Variants in AKAP8L observed in about 807,000 individuals in gnomAD.
AKAP8L encodes A-kinase anchor protein 8-like.
A neutral mutation model predicts 77.5 loss-of-function variants in AKAP8L; 34 were observed. That is an observed-to-expected ratio of 0.44 (90% CI 0.33 to 0.58). The LOEUF is 0.58. AKAP8L is among the 20% of genes least tolerant of loss of function. The pLI, the probability that AKAP8L is intolerant of heterozygous loss-of-function variation, is 0.02. For missense variants in AKAP8L, 806 were observed against 887.6 expected, an observed-to-expected ratio of 0.91 and a Z score of 1.17; for synonymous variants, 342 against 340.7, an observed-to-expected ratio of 1.00 and a Z score of -0.04.
chr19:15,380,316 C>T lies in AKAP8L; in HGVS notation c.1747G>A (p.Glu583Lys). The stretch of plus-strand genomic sequence containing the variant: ...ACGGGAGGCTGCGCCGGCACGCCCT[C>T]TGCGCCCTCCGAGATCCCTGCCGCT... ...GEAAGISEGA[E>K]GVPAQPPVPP... Residue 583 changes from glutamate (E) to lysine (K), a missense_variant, in exon 14 of 14, where the codon GAG (glutamate) becomes AAG (lysine). Physicochemically the swap from Glu to Lys is moderately conservative, Grantham distance 56. Coordinates refer to ENST00000397410, the MANE Select transcript of AKAP8L (RefSeq NM_014371.4). 6.5e-7 allele frequency: 1 copy of T among 1,536,562 alleles called. No individual in the cohort carries two copies. The highest frequency in any genetic ancestry group is 8.7e-7 in the Non-Finnish European group (1 of 1,146,786).
chr19:15,397,670 G>A lies in AKAP8L; in HGVS notation c.1299+44C>T. The A allele has an allele frequency of 1.9e-6, 3 of 1,613,986 alleles. No individual in the cohort carries two copies. The highest frequency in any genetic ancestry group is 2.5e-6 in the Non-Finnish European group (3 of 1,179,870). On this transcript the variant is annotated intron_variant, in intron 10 of 13. Coordinates refer to ENST00000397410, the MANE Select transcript of AKAP8L (RefSeq NM_014371.4). This position sits in a 1 kb window ranked among gnomAD's most constrained non-coding sequence, Gnocchi z 4.7. ...TCATGTGGGCCGCCTTATGTTCTCA[G>A]GGGTCCAAGAAACTAAGAGCGGCTG...
In AKAP8L at chr19:15,403,785, C is replaced by A. The variant is rs780768124; in HGVS notation, c.122-70G>T. On this transcript the variant is annotated intron_variant, in intron 3 of 13. Transcript: ENST00000397410. This position sits in a 1 kb window ranked among gnomAD's most constrained non-coding sequence, Gnocchi z 4.3. Reference sequence around the variant, plus strand: ...GAGGGGAGGCAGACAGAGACAGAGACAAACACAGATACAAGGGTATCTTCT... The same window carrying A: ...GAGGGGAGGCAGACAGAGACAGAGAAAAACACAGATACAAGGGTATCTTCT... The A allele has an allele frequency of 7.8e-7, 1 of 1,278,674 alleles. No homozygotes were observed. 79.2% of individuals were successfully genotyped at this position (1,278,674 alleles called of 1,614,324 possible). A position where few individuals can be genotyped will look rare whatever the true frequency, so the allele number is the denominator to read the frequency against.
rs771646832 is a variant in AKAP8L at position 15,380,279 on chromosome 19, G to A, written c.1784C>T (p.Pro595Leu). The change falls in exon 14 of 14, where the codon CCA (proline) becomes CTA (leucine). Residue 595 changes from proline to leucine, a missense_variant. Physicochemically the swap from Pro to Leu is moderately conservative, Grantham distance 98 (BLOSUM62 -3). Coordinates refer to ENST00000397410, the MANE Select transcript of AKAP8L (RefSeq NM_014371.4). ...VPAQPPVPPE[P>L]APGAVSPPPP... ...TGGCGGCGACACGGCCCCGGGGGCT[G>A]GCTCTGGGGGCACGGGAGGCTGCGC... is the stretch of plus-strand genomic sequence containing the variant. The A allele has an allele frequency of 1.3e-6, 2 of 1,519,516 alleles. No homozygotes were observed. Among genetic ancestry groups the A allele is most frequent in the South Asian group, 2.4e-5 (2 of 82,502 alleles). The allele number at this position is 1,519,516 out of a possible 1,614,324, so 94.1% of individuals were successfully genotyped here.
At position 15,401,746 on chromosome 19, in the gene AKAP8L, A is replaced by G. The variant is rs1967906043; in HGVS notation, c.363-143T>C. The G allele has an allele frequency of 1.5e-6, 1 of 683,774 alleles. No homozygotes were observed. The highest frequency in any genetic ancestry group is 1.8e-5 in the African/African-American group (1 of 55,440). The allele number at this position is 683,774 out of a possible 1,614,324, so 42.4% of individuals were successfully genotyped here. A position where few individuals can be genotyped will look rare whatever the true frequency, so the allele number is the denominator to read the frequency against. On this transcript the variant is annotated intron_variant, in intron 4 of 13. Transcript: ENST00000397410. The surrounding 1 kb of genome is among the most constrained non-coding windows in gnomAD (Gnocchi z 6.2). ...CTCAATGTTCAGAAATGCCGATTAAAGAGTTCCAGCCTCTCAGCTGATATA... is the reference window on the plus strand; with the variant it reads ...CTCAATGTTCAGAAATGCCGATTAAGGAGTTCCAGCCTCTCAGCTGATATA...
intron 12 of AKAP8L, chr19:15,380,846 ATC>A (rs1256678062): frequency 2.5e-5 from 14 of 556,922 alleles, no homozygotes; most frequent in Non-Finnish European, 4.2e-5. Flanking sequence ...AGATCTATAT[ATC>A]TCTAACTTTA....
At chr19:15,384,723 C>T (rs1263202366) in intron 12 of AKAP8L, among the ~76,000 whole-genome samples, 1 of 152,208 alleles carries the variant, frequency 6.6e-6, no homozygotes, top group Non-Finnish European at 1.5e-5. Context: ...AACACTACGA[C>T]TTTTTGTACG....
At position 15,403,304 on chromosome 19, in the gene AKAP8L, G is replaced by T; in HGVS notation, c.362+171C>A. ...CGGCAGGGGTTGAGGGTGGGTGAGAGGAGACACAAGTCAGAGACGGGAAGT... is the reference window on the plus strand; with the variant it reads ...CGGCAGGGGTTGAGGGTGGGTGAGATGAGACACAAGTCAGAGACGGGAAGT... On this transcript the variant is annotated intron_variant, in intron 4 of 13. Coordinates refer to ENST00000397410, the MANE Select transcript of AKAP8L (RefSeq NM_014371.4). The surrounding 1 kb of genome is among the most constrained non-coding windows in gnomAD (Gnocchi z 4.3). 1.6e-6 allele frequency: 1 copy of T among 641,004 alleles called. No individual in the cohort carries two copies. The highest frequency in any genetic ancestry group is 1.8e-5 in the South Asian group (1 of 54,242). The allele number at this position is 641,004 out of a possible 1,614,324, so 39.7% of individuals were successfully genotyped here.
chr19:15,398,043 T>G lies in AKAP8L; in HGVS notation c.1158-188A>C, dbSNP rs1307547611. The stretch of plus-strand genomic sequence containing the variant: ...AGAAAGGGCCAGAAAGTCTGCAGGC[T>G]GCAGTTACTGCAACGTAGGGGACAG... On this transcript the variant is annotated intron_variant, in intron 9 of 13. Transcript: ENST00000397410. The surrounding 1 kb of genome is among the most constrained non-coding windows in gnomAD (Gnocchi z 9.2). 1.6e-6 allele frequency: 1 copy of G among 643,352 alleles called. No individual in the cohort carries two copies. Among genetic ancestry groups the G allele is most frequent in the African/African-American group, 1.8e-5 (1 of 54,606 alleles). The allele number at this position is 643,352 out of a possible 1,614,324, so 39.9% of individuals were successfully genotyped here.
intron 1 of AKAP8L, 74 bp downstream of exon 1, chr19:15,418,837 C>A: frequency 6.7e-7 from 1 of 1,492,874 alleles, no homozygotes; most frequent in South Asian, 1.2e-5. Flanking sequence ...GAGGTGCGGG[C>A]AAGCCTGGTG....
At chr19:15,412,702 C>T (rs867154080) in intron 1 of AKAP8L, among the ~76,000 whole-genome samples, 1 of 152,108 alleles carries the variant, frequency 6.6e-6, no homozygotes, top group Admixed American at 6.6e-5. Flanking sequence ...CCACCATGTC[C>T]GGCTGATTTT....
intron 12 of AKAP8L, among the ~76,000 whole-genome samples, chr19:15,388,058 T>C (rs994606284): frequency 5.3e-5 from 8 of 151,942 alleles, no homozygotes; most frequent in Non-Finnish European, 8.8e-5. Context: ...AAAACATTGT[T>C]GAAAACAATA....
chr19:15,408,763 TC>T (rs1391731465), intron 2 of AKAP8L, among the ~76,000 whole-genome samples: 1 of 150,072 alleles, frequency 6.7e-6, no homozygotes, highest in Non-Finnish European at 1.5e-5. Flanking sequence ...GGGCAACTGC[TC>T]GGGAGGCTGA....
chr19:15,392,523 TAC>T (rs1285694077), intron 12 of AKAP8L, among the ~76,000 whole-genome samples: 1 of 151,612 alleles, frequency 6.6e-6, no homozygotes, highest in African/African-American at 2.4e-5. Context: ...AGTATTTTTA[TAC>T]ACATGCAAAA....
At position 15,400,780 on chromosome 19, in the gene AKAP8L, C is replaced by T; in HGVS notation, c.984+14G>A. The stretch of plus-strand genomic sequence containing the variant: ...CTGCCTGCAGACAGAAAATGCCCAG[C>T]CAGAGCCACTTACCACTCTGGAGCC... On this transcript the variant is annotated intron_variant, in intron 7 of 13. Transcript: ENST00000397410. The T allele has an allele frequency of 6.2e-7, 1 of 1,613,892 alleles. No homozygotes were observed. Among genetic ancestry groups the T allele is most frequent in the South Asian group, 1.1e-5 (1 of 91,082 alleles).
At position 15,413,912 on chromosome 19, in the gene AKAP8L, G is replaced by A. The variant is rs200979494; in HGVS notation, c.14-3318C>T. Among the ~76,000 whole-genome samples the A allele has an allele frequency of 9.2e-5, 14 of 152,262 alleles. No individual in the cohort carries two copies. In the East Asian group the frequency reaches 9.6e-4, roughly 10 times the overall value. The stretch of plus-strand genomic sequence containing the variant: ...TGGTGCTTCCCTAGGAAGGAAAGAC[G>A]ATCCATCAAACCCTCCAAGATCAAT... On this transcript the variant is annotated intron_variant, in intron 1 of 13. Transcript: ENST00000397410.
rs1261599485 is a variant in AKAP8L, at chr19:15,403,820, AGAGAAGACCCTAGCCACT to A, written c.122-123_122-106del. The A allele has an allele frequency of 8.8e-7, 1 of 1,133,884 alleles. No individual in the cohort carries two copies. Among genetic ancestry groups the A allele is most frequent in the Admixed American group, 2.1e-5 (1 of 48,252 alleles). The allele number at this position is 1,133,884 out of a possible 1,614,324, so 70.2% of individuals were successfully genotyped here. ...TACAAGGGTATCTTCTGTCACAGAG[AGAGAAGACCCTAGCCACT>A]GAAGCTAGATGGGCCCTGGTCATTC... On this transcript the variant is annotated intron_variant, in intron 3 of 13. Coordinates refer to ENST00000397410, the MANE Select transcript of AKAP8L (RefSeq NM_014371.4). The surrounding 1 kb of genome is among the most constrained non-coding windows in gnomAD (Gnocchi z 4.3).
At chr19:15,391,784 G>A (rs975799890) in intron 12 of AKAP8L, among the ~76,000 whole-genome samples, 7 of 151,864 alleles carry the variant, frequency 4.6e-5, no homozygotes, top group South Asian at 2.1e-4. Flanking sequence ...GTGATCTCCC[G>A]CCTCAGCCTC....
In AKAP8L at chr19:15,397,260, C is replaced by G; in HGVS notation, c.1426G>C (p.Val476Leu). The G allele has an allele frequency of 6.2e-7, 1 of 1,614,010 alleles. No homozygotes were observed. The highest frequency in any genetic ancestry group is 8.5e-7 in the Non-Finnish European group (1 of 1,179,894). ...CAATGGGCTGCCTCCACCTTCTTCA[C>G]AAAATGCTCCATGGCAATTTCTGTA... ...LTQEIAMEHFVKKVEAAHCAA... is the reference protein window; with the variant it reads ...LTQEIAMEHFLKKVEAAHCAA... The change falls in exon 12 of 14, where the codon GTG (valine) becomes CTG (leucine). Residue 476 changes from valine (V) to leucine (L), a missense_variant. Physicochemically the swap from Val to Leu is conservative, Grantham distance 32. This residue lies in a region of AKAP8L where 580 missense variants were observed against 694.1 expected (regional missense o/e 0.84). Coordinates refer to ENST00000397410, the MANE Select transcript of AKAP8L (RefSeq NM_014371.4). This position sits in a 1 kb window ranked among gnomAD's most constrained non-coding sequence, Gnocchi z 4.7.
intron 7 of AKAP8L, 149 bp from the exon 8 acceptor site, chr19:15,400,507 T>G (rs1444883047): frequency 1.2e-5 from 10 of 818,282 alleles, no homozygotes; most frequent in Non-Finnish European, 1.7e-5. Context: ...TGGCCCAGAG[T>G]AGCCCAGTTA....
Sources: allele counts gnomAD v4.1 joint callset (sites outside exome capture counted in the v4.1 genomes callset), GRCh38; gene constraint gnomAD v4.1.1; regional missense constraint gnomAD v4.1.1; non-coding constraint Gnocchi (gnomAD v3.1); transcripts MANE v1.5; gene names NCBI Gene and HGNC (gene_info 2026-07-23, HGNC 2026-07-21).